The following PHLPP2 variants were observed in gnomAD, a reference collection of about 807,000 sequenced individuals.
PHLPP2 encodes the protein PH domain leucine-rich repeat-containing protein phosphatase 2.
A neutral mutation model predicts 124.9 loss-of-function variants in PHLPP2; 66 were observed. The ratio of observed to expected loss-of-function variants is 0.53; its 90% CI spans 0.43 to 0.65. The LOEUF is 0.65. Among genes scored for constraint, PHLPP2 ranks in the 30% least tolerant of loss-of-function variants. The probability of loss-of-function intolerance (pLI) is 0.00; values close to 1 mark genes in which losing one functional copy is unlikely to be tolerated. For missense variants in PHLPP2, 1,685 were observed against 1,600.4 expected, an observed-to-expected ratio of 1.05 and a Z score of -0.90; for synonymous variants, 681 against 624.7, an observed-to-expected ratio of 1.09 and a Z score of -1.34.
Position 71,649,998 on chromosome 16 carries a change from C to A in PHLPP2, c.2864G>T (p.Cys955Phe). 6.2e-7 allele frequency: 1 copy of A among 1,612,952 alleles called. No individual in the cohort carries two copies. Among genetic ancestry groups the A allele is most frequent in the Non-Finnish European group, 8.5e-7 (1 of 1,180,000 alleles). The change falls in exon 19 of 19, where the codon TGT becomes TTT. Residue 955 changes from cysteine (C) to phenylalanine (F), a missense_variant. Coordinates refer to ENST00000568954, the MANE Select transcript of PHLPP2 (RefSeq NM_015020.3). ...GAGGATCCAAGGGTAGAGGTATGTA[C>A]AGCCCAGCATCCGGGTACAGCAGGT... The part of the protein sequence containing the change: ...GVTCCTRMLG[C>F]TYLYPWILPK...
chr16:71,674,067 T>C (rs1162079209), intron 9 of PHLPP2, among the ~76,000 whole-genome samples: 2 of 150,184 alleles, frequency 1.3e-5, no homozygotes, highest in African/African-American at 4.9e-5. Flanking sequence ...TTCTGCTTTA[T>C]ATGTGGCAGA....
At chr16:71,655,732 C>T (rs1567612515) in intron 16 of PHLPP2, among the ~76,000 whole-genome samples, 3 of 151,930 alleles carry the variant, frequency 2.0e-5, no homozygotes, top group Admixed American at 6.6e-5. Flanking sequence ...CCTCATGATC[C>T]GCCCACCTTG....
intron 17 of PHLPP2, among the ~76,000 whole-genome samples, chr16:71,654,752 C>A (rs2044727856): frequency 1.3e-5 from 2 of 152,154 alleles, no homozygotes; most frequent in African/African-American, 4.8e-5. Flanking sequence ...CAGGGTGTAA[C>A]CCTATTCTAA....
Position 71,684,202 on chromosome 16 carries a change from T to C in PHLPP2, c.735+274A>G, listed in dbSNP as rs185821979. Among the ~76,000 whole-genome samples the C allele has an allele frequency of 1.9e-3, 281 of 149,160 alleles. 1 individual carries two copies. Among genetic ancestry groups the C allele is most frequent in the Admixed American group, 3.0e-3 (44 of 14,534 alleles). On this transcript the variant is annotated intron_variant, in intron 5 of 18. Transcript: ENST00000568954. ...GTGCAGTGGCGCGATGTCGGCTCAC[T>C]GCAACCTCTACCTCCCGGATTCAAG...
At chr16:71,714,487 T>G in intron 2 of PHLPP2, 25 bp downstream of exon 2, 1 of 1,563,028 alleles carries the variant, frequency 6.4e-7, no homozygotes, top group Non-Finnish European at 8.6e-7. Context: ...ACGGTAGAAT[T>G]AGAGTGGTAA....
chr16:71,658,874 T>G lies in PHLPP2; in HGVS notation c.1986-59A>C, dbSNP rs1330826840. ...CAAGACTGAGCAGCTGCCAAGGAAGTGCTATTCTACAGCAGCCACAGAGTA... is the reference window on the plus strand; with the variant it reads ...CAAGACTGAGCAGCTGCCAAGGAAGGGCTATTCTACAGCAGCCACAGAGTA... On this transcript the variant is annotated intron_variant, in intron 13 of 18. Coordinates refer to ENST00000568954, the MANE Select transcript of PHLPP2 (RefSeq NM_015020.3). 24 of 1,519,190 alleles carry G rather than the reference T, an allele frequency of 1.6e-5. No individual in the cohort carries two copies. In the Admixed American group the frequency reaches 3.9e-4, roughly 25 times the overall value. 94.1% of individuals were successfully genotyped at this position (1,519,190 alleles called of 1,614,324 possible). A position where few individuals can be genotyped will look rare whatever the true frequency, so the allele number is the denominator to read the frequency against.
Position 71,649,226 on chromosome 16 carries a change from A to C in PHLPP2, c.3636T>G (p.Asn1212Lys), listed in dbSNP as rs1470934958. The C allele has an allele frequency of 6.2e-7, 1 of 1,613,846 alleles. No individual in the cohort carries two copies. The change falls in exon 19 of 19, where the codon AAT becomes AAG. Residue 1212 changes from asparagine (N) to lysine (K), a missense_variant. By Grantham distance (94) the Asn-to-Lys change is moderately conservative. Transcript: ENST00000568954. ...TGCTCATTGGCAGGAGCATGCCACT[A>C]TTCACACTGTTCTGTCTTCGGATCC... ...CFGIRRQNSVNSGMLLPMSKD... is the reference protein window; with the variant it reads ...CFGIRRQNSVKSGMLLPMSKD...
intron 16 of PHLPP2, among the ~76,000 whole-genome samples, chr16:71,656,032 G>A (rs1453058643): frequency 6.6e-6 from 1 of 152,090 alleles, no homozygotes; most frequent in Non-Finnish European, 1.5e-5. Flanking sequence ...GCTTTGTCAA[G>A]GCCTATCAGT....
At chr16:71,652,334 A>C (rs1281473127) in intron 18 of PHLPP2, among the ~76,000 whole-genome samples, 1 of 152,232 alleles carries the variant, frequency 6.6e-6, no homozygotes, top group Non-Finnish European at 1.5e-5. Context: ...AAAAGCTATA[A>C]AACAGTAGAA....
intron 10 of PHLPP2, among the ~76,000 whole-genome samples, chr16:71,670,695 AAC>A (rs71153651): frequency 2.6e-4 from 34 of 129,004 alleles, no homozygotes; most frequent in African/African-American, 4.7e-4. Flanking sequence ...AGAGGCTGAA[AAC>A]ACACACACAC....
intron 16 of PHLPP2, 81 bp downstream of exon 16, chr16:71,656,490 G>C: frequency 1.3e-6 from 1 of 761,646 alleles, no homozygotes; most frequent in Non-Finnish European, 2.4e-6. Context: ...ACATGGCCTA[G>C]CTATTATGAG....
chr16:71,723,360 A>C (rs925529470), intron 1 of PHLPP2: 1 of 152,140 alleles, frequency 6.6e-6, no homozygotes, highest in African/African-American at 2.4e-5. Flanking sequence ...AGCCCTGCGT[A>C]CTTCCAGCCC....
chr16:71,655,927 A>C (rs1043239286), intron 16 of PHLPP2, among the ~76,000 whole-genome samples: 2 of 152,234 alleles, frequency 1.3e-5, no homozygotes, highest in African/African-American at 4.8e-5. Flanking sequence ...AGGAAAGGGG[A>C]AACAGTCGCA....
At chr16:71,669,458 T>G in intron 10 of PHLPP2, 88 bp from the exon 11 acceptor site, 1 of 931,400 alleles carries the variant, frequency 1.1e-6, no homozygotes, top group Admixed American at 1.9e-5. Context: ...TTAACCAGCC[T>G]GTGAGCCCTT....
chr16:71,714,588 C>A lies in PHLPP2; in HGVS notation c.208G>T (p.Glu70Ter). 1 of 1,614,106 alleles carries A rather than the reference C, an allele frequency of 6.2e-7. No individual in the cohort carries two copies. Among genetic ancestry groups the A allele is most frequent in the Non-Finnish European group, 8.5e-7 (1 of 1,180,020 alleles). ...GCACATATTTCTGATGCTGGTGTCT[C>A]TACAGTGCAAAGGACGAGATGTAAG... is the stretch of plus-strand genomic sequence containing the variant. ...SDLHLVLCTV[E>*]TPASEICAGE... The change falls in exon 2 of 19, where the codon GAG becomes TAG. Residue 70 changes from glutamate to a stop codon, truncating the protein, a stop_gained. Coordinates refer to ENST00000568954, the MANE Select transcript of PHLPP2 (RefSeq NM_015020.3). LOFTEE classifies it high-confidence loss of function.
chr16:71,671,610 A>T (rs1007698882), intron 10 of PHLPP2, among the ~76,000 whole-genome samples: 3 of 152,108 alleles, frequency 2.0e-5, no homozygotes, highest in African/African-American at 7.2e-5. Context: ...AAAATTAAAT[A>T]ATATTTTAAA....
At position 71,684,011 on chromosome 16, in the gene PHLPP2, G is replaced by C. The variant is rs1032102593; in HGVS notation, c.735+465C>G. ...TTCTCCATGTTGGTCAGGCTGGTCT[G>C]AAACTCCCGACCTCAGGTGATCCAC... On this transcript the variant is annotated intron_variant, in intron 5 of 18. Coordinates refer to ENST00000568954, the MANE Select transcript of PHLPP2 (RefSeq NM_015020.3). Among the ~76,000 whole-genome samples the C allele has an allele frequency of 7.3e-5, 11 of 151,652 alleles. No individual in the cohort carries two copies. The East Asian group carries it at 2.2e-3, about 30-fold the overall frequency.
rs1294594836 is a variant in PHLPP2, at chr16:71,708,490, C to T, written c.285-5759G>A. Among the ~76,000 whole-genome samples, 4 of 152,294 alleles carry T rather than the reference C, an allele frequency of 2.6e-5. No homozygotes were observed. In the East Asian group the frequency reaches 7.7e-4, roughly 29 times the overall value. On this transcript the variant is annotated intron_variant, in intron 2 of 18. Transcript: ENST00000568954. The stretch of plus-strand genomic sequence containing the variant: ...CCTTTGCTGATTCCTTTTTCCGACT[C>T]AGCCCGCCTGCACCCATGTGATTAA...
In PHLPP2 at chr16:71,649,868, A is replaced by G. The variant is rs1283804897; in HGVS notation, c.2994T>C (p.Asn998=). The G allele has an allele frequency of 6.2e-7, 1 of 1,614,202 alleles. No individual in the cohort carries two copies. Among genetic ancestry groups the G allele is most frequent in the Non-Finnish European group, 8.5e-7 (1 of 1,180,018 alleles). ...ATGGGTCTTGTACGTGACGTACAGC[A>G]TTGACAGCTTCTGTGTAGGACAAGT... The part of the protein sequence containing the change: ...WEHLSYTEAV[N]AVRHVQDPLA... The change falls in exon 19 of 19, where the codon AAT becomes AAC. Residue 998 remains asparagine (N), a synonymous_variant. Transcript: ENST00000568954.
Sources: allele counts gnomAD v4.1 joint callset (sites outside exome capture counted in the v4.1 genomes callset), GRCh38; gene constraint gnomAD v4.1.1; transcripts MANE v1.5; gene names NCBI Gene and HGNC (gene_info 2026-07-23, HGNC 2026-07-21).